The following PCDHGA4 variants were observed in gnomAD, a reference collection of about 807,000 sequenced individuals.
The protein encoded by PCDHGA4 is protocadherin gamma subfamily A, 4, also known as protocadherin gamma-A4.
PCDHGA4 carries 38 observed loss-of-function variants against 54.6 expected under a neutral mutation model. The ratio of observed to expected loss-of-function variants is 0.70; its 90% CI spans 0.54 to 0.91. The LOEUF is 0.91. Ranked by LOEUF, PCDHGA4 falls within the 40% of genes least tolerant of loss-of-function variation. PCDHGA4 has a pLI of 0.00. For missense variants in PCDHGA4, 1,298 were observed against 1,220.9 expected (o/e 1.06, Z -0.94); for synonymous variants, 511 against 512.9 (o/e 1.00, Z 0.05).
rs200715621 is a variant in PCDHGA4 at position 141,432,628 on chromosome 5, G to A, written c.2515-62179G>A. 3.2e-4 allele frequency: 515 copies of A among 1,611,902 alleles called. No individual in the cohort carries two copies. Among genetic ancestry groups the A allele is most frequent in the Non-Finnish European group, 4.2e-4 (497 of 1,179,404 alleles). On this transcript the variant is annotated intron_variant, in intron 1 of 3. Coordinates refer to ENST00000571252, the MANE Select transcript of PCDHGA4 (RefSeq NM_018917.4). The surrounding 1 kb of genome is among the most constrained non-coding windows in gnomAD (Gnocchi z 6.0). ...GACTCTTCTCGGTGGGTCTGCACAC[G>A]GGCGAGGTGCGCACGGCGCGAGCCC...
chr5:141,503,630 A>G, intron 2 of PCDHGA4, among the ~76,000 whole-genome samples: 1 of 152,088 alleles, frequency 6.6e-6, no homozygotes, highest in Admixed American at 6.6e-5. Flanking sequence ...AAGAAAAGAA[A>G]TAATTATTGA....
chr5:141,415,107 A>T, intron 1 of PCDHGA4: 1 of 1,613,624 alleles, frequency 6.2e-7, no homozygotes, highest in Non-Finnish European at 8.5e-7. Flanking sequence ...CGCTCAAGCA[A>T]AGCCTCGTAG....
Position 141,486,747 on chromosome 5 carries a change from A to G in PCDHGA4, c.2515-8060A>G, listed in dbSNP as rs750666508. The G allele has an allele frequency of 3.1e-6, 5 of 1,614,210 alleles. No homozygotes were observed. The highest frequency in any genetic ancestry group is 4.2e-6 in the Non-Finnish European group (5 of 1,180,034). On this transcript the variant is annotated intron_variant, in intron 1 of 3. Transcript: ENST00000571252. This position sits in a 1 kb window ranked among gnomAD's most constrained non-coding sequence, Gnocchi z 5.0. Reference sequence around the variant, plus strand: ...GTTCATGCTACTCGATCCTTTGACTATGAGCAAACCCAGACACTGCAGTTT... The same window carrying G: ...GTTCATGCTACTCGATCCTTTGACTGTGAGCAAACCCAGACACTGCAGTTT...
intron 1 of PCDHGA4, chr5:141,378,636 G>A (rs1775063094): frequency 6.6e-6 from 1 of 152,168 alleles, no homozygotes; most frequent in African/African-American, 2.4e-5. Context: ...CTGGTGAATG[G>A]GAGAACAAAT....
At chr5:141,397,706 T>G (rs2093559040) in intron 1 of PCDHGA4, among the ~76,000 whole-genome samples, 1 of 152,246 alleles carries the variant, frequency 6.6e-6, no homozygotes, top group African/African-American at 2.4e-5. Flanking sequence ...CAACGTGATA[T>G]TTCTAACAAT....
intron 1 of PCDHGA4, chr5:141,365,437 T>C (rs1763915264): frequency 6.2e-7 from 1 of 1,614,022 alleles, no homozygotes. Context: ...TCGCGCTGTT[T>C]AGCGTACATG....
In PCDHGA4 at chr5:141,485,842, T is replaced by C; in HGVS notation, c.2515-8965T>C. ...TCGATGGAGGGAACCCGCCGAGATC[T>C]GGCACCGCAGAGCTCCGGGTATCCG... On this transcript the variant is annotated intron_variant, in intron 1 of 3. Coordinates refer to ENST00000571252, the MANE Select transcript of PCDHGA4 (RefSeq NM_018917.4). This position sits in a 1 kb window ranked among gnomAD's most constrained non-coding sequence, Gnocchi z 5.7. 1 of 1,614,002 alleles carries C rather than the reference T, an allele frequency of 6.2e-7. No homozygotes were observed. Among genetic ancestry groups the C allele is most frequent in the Non-Finnish European group, 8.5e-7 (1 of 1,179,982 alleles).
intron 1 of PCDHGA4, among the ~76,000 whole-genome samples, chr5:141,406,157 C>A: frequency 6.6e-6 from 1 of 151,124 alleles, no homozygotes. Flanking sequence ...ACTGCAGTCT[C>A]AATCTCCTGG....
intron 1 of PCDHGA4, chr5:141,383,873 C>A: frequency 6.2e-7 from 1 of 1,613,928 alleles, no homozygotes; most frequent in Non-Finnish European, 8.5e-7. Flanking sequence ...CAAGATGGTC[C>A]TGGTAGTCTG....
At position 141,371,931 on chromosome 5, in the gene PCDHGA4, G is replaced by A. The variant is rs934034667; in HGVS notation, c.2514+14310G>A. 21 of 1,613,254 alleles carry A rather than the reference G, an allele frequency of 1.3e-5. No homozygotes were observed. The Middle Eastern group carries it at 4.9e-4, about 38-fold the overall frequency. ...CGTGTCCGTGAGCGCGCGGAGCGGG[G>A]TGGTGTTCGCGCAGCGAGCCTTCGA... On this transcript the variant is annotated intron_variant, in intron 1 of 3. Transcript: ENST00000571252.
chr5:141,356,010 T>A lies in PCDHGA4; in HGVS notation c.903T>A (p.Asp301Glu). Residue 301 changes from aspartate (D) to glutamate (E), a missense_variant, in exon 1 of 4, where the codon GAT becomes GAA. Transcript: ENST00000571252. ...RLLTVKATDP[D>E]EGANGDVTYS... ...TCACCGTAAAAGCCACTGATCCAGA[T>A]GAAGGAGCCAATGGAGACGTGACGT... is the stretch of plus-strand genomic sequence containing the variant. 1.2e-6 allele frequency: 2 copies of A among 1,613,914 alleles called. No individual in the cohort carries two copies. The highest frequency in any genetic ancestry group is 1.7e-6 in the Non-Finnish European group (2 of 1,179,894).
chr5:141,455,632 TG>T (rs1394377963), intron 1 of PCDHGA4, among the ~76,000 whole-genome samples: 1 of 151,924 alleles, frequency 6.6e-6, no homozygotes, highest in African/African-American at 2.4e-5. Flanking sequence ...TGGAGATATG[TG>T]GGGGGCAGCC....
intron 1 of PCDHGA4, chr5:141,410,443 T>A (rs1207487083): frequency 6.2e-7 from 1 of 1,613,926 alleles, no homozygotes; most frequent in Non-Finnish European, 8.5e-7. Context: ...GTGAGGGGAC[T>A]TTGCCTTATT....
intron 2 of PCDHGA4, among the ~76,000 whole-genome samples, chr5:141,500,793 A>G (rs1245472175): frequency 6.6e-6 from 1 of 152,210 alleles, no homozygotes; most frequent in Non-Finnish European, 1.5e-5. Context: ...ATTTTACAGA[A>G]TAAGTCCTCA....
chr5:141,374,564 G>C (rs898196714), intron 1 of PCDHGA4: 10 of 1,613,616 alleles, frequency 6.2e-6, no homozygotes, highest in Middle Eastern at 1.6e-4. Flanking sequence ...CTATGACCCT[G>C]ATGTGGGAAT....
chr5:141,383,790 T>C, intron 1 of PCDHGA4: 1 of 1,614,006 alleles, frequency 6.2e-7, no homozygotes. Context: ...TGAACTCGCT[T>C]ACAGGAGAAA....
chr5:141,460,026 C>T (rs565259315), intron 1 of PCDHGA4, among the ~76,000 whole-genome samples: 36 of 152,090 alleles, frequency 2.4e-4, no homozygotes, highest in Non-Finnish European at 3.2e-4. Flanking sequence ...TGCAGTGAGC[C>T]GAGACTGCAC....
intron 1 of PCDHGA4, chr5:141,364,471 C>T (rs1307954673): frequency 3.1e-6 from 5 of 1,613,918 alleles, no homozygotes; most frequent in Non-Finnish European, 4.2e-6. Context: ...TCGTCGGCAA[C>T]ATAGCCAAGG....
rs200790843 is a variant in PCDHGA4 at position 141,432,196 on chromosome 5, C to A, written c.2515-62611C>A. ...TCGTCTCTGTGACCGCCCACGACCCCGACTGTGAAGAGAACGCCCAGATCA... is the reference window on the plus strand; with the variant it reads ...TCGTCTCTGTGACCGCCCACGACCCAGACTGTGAAGAGAACGCCCAGATCA... On this transcript the variant is annotated intron_variant, in intron 1 of 3. Coordinates refer to ENST00000571252, the MANE Select transcript of PCDHGA4 (RefSeq NM_018917.4). This position sits in a 1 kb window ranked among gnomAD's most constrained non-coding sequence, Gnocchi z 6.0. The A allele has an allele frequency of 6.2e-7, 1 of 1,614,192 alleles. No homozygotes were observed.
Sources: allele counts gnomAD v4.1 joint callset (sites outside exome capture counted in the v4.1 genomes callset), GRCh38; gene constraint gnomAD v4.1.1; non-coding constraint Gnocchi (gnomAD v3.1); transcripts MANE v1.5; gene names NCBI Gene and HGNC (gene_info 2026-07-23, HGNC 2026-07-21).